Variants in COL28A1 observed in about 807,000 individuals in gnomAD.
COL28A1 encodes collagen type XXVIII alpha 1 chain, also known as collagen alpha-1(XXVIII) chain.
COL28A1 carries 161 observed loss-of-function variants against 150.2 expected under a neutral mutation model. The observed-to-expected ratio is 1.07, with a 90% CI of 0.94 to 1.22. The LOEUF (loss-of-function observed/expected upper bound fraction) is 1.22, where lower values mean the gene tolerates loss of function less well. Among genes scored for constraint, COL28A1 ranks in the 50% most tolerant of loss-of-function variants. COL28A1 has a pLI of 0.00. For synonymous variants in COL28A1, 552 were observed against 469.7 expected, an observed-to-expected ratio of 1.18 and a Z score of -2.26; for missense variants, 1,617 against 1,388.3, an observed-to-expected ratio of 1.16 and a Z score of -2.62.
At position 7,495,441 on chromosome 7, in the gene COL28A1, T is replaced by A. The variant is rs563923558; in HGVS notation, c.1027-4795A>T. ...GTGGGAGTGGAAGAATACAAAGATG[T>A]CTTGTGGGGAGTTGGGGAAAAAGAG... On this transcript the variant is annotated intron_variant, in intron 11 of 34. Coordinates refer to ENST00000399429, the MANE Select transcript of COL28A1 (RefSeq NM_001037763.3). 3.3e-5 allele frequency among the ~76,000 whole-genome samples: 5 copies of A among 152,226 alleles called. No homozygotes were observed. In the East Asian group the frequency reaches 9.7e-4, roughly 29 times the overall value.
rs543790377 is a variant in COL28A1, at chr7:7,486,193, T to C, written c.1164+3196A>G. Among the ~76,000 whole-genome samples the C allele has an allele frequency of 3.9e-5, 6 of 152,314 alleles. No homozygotes were observed. The South Asian group carries it at 1.0e-3, about 26-fold the overall frequency. On this transcript the variant is annotated intron_variant, in intron 13 of 34. Coordinates refer to ENST00000399429, the MANE Select transcript of COL28A1 (RefSeq NM_001037763.3). Reference sequence around the variant, plus strand: ...ATTAGATTTCTACCCAAGTATTTTCTTTTTTAGCAATTAAAAATGGTGTTG... The same window carrying C: ...ATTAGATTTCTACCCAAGTATTTTCCTTTTTAGCAATTAAAAATGGTGTTG...
chr7:7,357,541 C>G (rs1026832448), downstream of COL28A1: 2 of 151,950 alleles, frequency 1.3e-5, no homozygotes, highest in Non-Finnish European at 2.9e-5. Context: ...TGCTTGTAAT[C>G]CCAGCTACGC....
At chr7:7,345,382 A>G in the COL28A1 span, among the ~76,000 whole-genome samples, 1 of 152,046 alleles carries the variant, frequency 6.6e-6, no homozygotes, top group Non-Finnish European at 1.5e-5. Flanking sequence ...AAATTATAAA[A>G]TCCAAGATCC....
chr7:7,487,438 C>T (rs1381354004), intron 13 of COL28A1, among the ~76,000 whole-genome samples: 1 of 152,074 alleles, frequency 6.6e-6, no homozygotes, highest in East Asian at 1.9e-4. Context: ...ATTAGCCAGG[C>T]ATGGTGGCGG....
chr7:7,426,353 T>C (rs1407456578), intron 25 of COL28A1, among the ~76,000 whole-genome samples: 3 of 152,204 alleles, frequency 2.0e-5, no homozygotes, highest in Non-Finnish European at 4.4e-5. Context: ...ATTCCACCTA[T>C]GTCATGTGTT....
intron 18 of COL28A1, among the ~76,000 whole-genome samples, chr7:7,450,007 T>C (rs910844389): frequency 6.6e-6 from 1 of 152,110 alleles, no homozygotes; most frequent in Non-Finnish European, 1.5e-5. Context: ...TATTTTTCCT[T>C]TTAGATGACA....
At chr7:7,391,265 G>A (rs1307003984) in intron 27 of COL28A1, among the ~76,000 whole-genome samples, 1 of 152,144 alleles carries the variant, frequency 6.6e-6, no homozygotes, top group Non-Finnish European at 1.5e-5. Flanking sequence ...AGGTTGTTCA[G>A]TTTCCATGTA....
intron 13 of COL28A1, among the ~76,000 whole-genome samples, chr7:7,479,061 G>C (rs1380536596): frequency 6.6e-6 from 1 of 152,246 alleles, no homozygotes; most frequent in Non-Finnish European, 1.5e-5. Context: ...GGCGCCAAGA[G>C]CAAGTGAGGG....
intron 3 of COL28A1, among the ~76,000 whole-genome samples, chr7:7,526,706 G>C (rs1201999951): frequency 6.6e-6 from 1 of 152,008 alleles, no homozygotes; most frequent in Non-Finnish European, 1.5e-5. Flanking sequence ...CATGATCTTG[G>C]CTCACTGCAA....
chr7:7,453,062 T>A (rs919972821), intron 17 of COL28A1, among the ~76,000 whole-genome samples: 1 of 152,220 alleles, frequency 6.6e-6, no homozygotes, highest in Non-Finnish European at 1.5e-5. Context: ...TCTGACCCCA[T>A]CTCTTTAGCT....
intron 1 of COL28A1, among the ~76,000 whole-genome samples, chr7:7,535,222 A>G (rs899079759): frequency 6.6e-6 from 1 of 152,194 alleles, no homozygotes; most frequent in Non-Finnish European, 1.5e-5. Flanking sequence ...CCGTAGTTTT[A>G]CTTTTGGCCT....
chr7:7,429,081 C>T (rs1313902633), intron 25 of COL28A1, among the ~76,000 whole-genome samples: 3 of 152,204 alleles, frequency 2.0e-5, no homozygotes, highest in Non-Finnish European at 2.9e-5. Flanking sequence ...ATAAATTCAT[C>T]GTCAACCTTA....
Position 7,407,732 on chromosome 7 carries a change from C to T in COL28A1, c.2136+10127G>A, listed in dbSNP as rs183704387. 1.4e-4 allele frequency among the ~76,000 whole-genome samples: 21 copies of T among 151,784 alleles called. No individual in the cohort carries two copies. The East Asian group carries it at 2.1e-3, about 15-fold the overall frequency. On this transcript the variant is annotated intron_variant, in intron 27 of 34. Transcript: ENST00000399429. The stretch of plus-strand genomic sequence containing the variant: ...AGTGGTTTCAATCTGGGATGCAAGA[C>T]GGATTAAAGAGAAAGAGAATAGTAA...
intron 27 of COL28A1, among the ~76,000 whole-genome samples, chr7:7,410,032 A>AT (rs1475978789): frequency 2.0e-5 from 3 of 152,192 alleles, no homozygotes. Flanking sequence ...TTTAGGAATT[A>AT]TTTTTTAAAA....
At chr7:7,368,291 C>T (rs1306511704) in intron 33 of COL28A1, among the ~76,000 whole-genome samples, 3 of 152,120 alleles carry the variant, frequency 2.0e-5, no homozygotes, top group Admixed American at 6.5e-5. Flanking sequence ...AGCTTTAGCT[C>T]TCATCACTCT....
intron 30 of COL28A1, among the ~76,000 whole-genome samples, chr7:7,377,817 A>AAC (rs964536351): frequency 2.0e-5 from 3 of 151,422 alleles, no homozygotes; most frequent in Non-Finnish European, 2.9e-5. Context: ...CAAAAAAAAA[A>AAC]AAAAAACCAG....
chr7:7,365,612 C>A (rs1015693039), intron 33 of COL28A1, among the ~76,000 whole-genome samples: 3 of 152,196 alleles, frequency 2.0e-5, no homozygotes, highest in African/African-American at 7.2e-5. Context: ...GATTTCCAAA[C>A]ATTTTCCTTG....
chr7:7,432,073 T>C (rs1306550198), intron 25 of COL28A1, among the ~76,000 whole-genome samples: 4 of 152,158 alleles, frequency 2.6e-5, no homozygotes, highest in Non-Finnish European at 1.5e-5. Flanking sequence ...GGTAGGAAAT[T>C]AGATACATGA....
the COL28A1 span, among the ~76,000 whole-genome samples, chr7:7,542,645 C>T: frequency 6.6e-6 from 1 of 152,154 alleles, no homozygotes; most frequent in Non-Finnish European, 1.5e-5. Flanking sequence ...TTCTTTTATG[C>T]CATGTTAAAG....
Sources: allele counts gnomAD v4.1 joint callset (sites outside exome capture counted in the v4.1 genomes callset), GRCh38; gene constraint gnomAD v4.1.1; transcripts MANE v1.5; gene names NCBI Gene and HGNC (gene_info 2026-07-23, HGNC 2026-07-21).